The following STAC variants were observed in gnomAD, a reference collection of about 807,000 sequenced individuals.
The protein encoded by STAC is SH3 and cysteine-rich domain-containing protein.
In STAC, 43 loss-of-function variants were observed where a neutral mutation model predicts 48.8. That is an observed-to-expected ratio of 0.88 (90% CI 0.69 to 1.14). STAC has a LOEUF of 1.14. STAC is among the 50% of genes most tolerant of loss of function. The pLI is 0.00. For missense variants in STAC, 497 were observed against 504.0 expected (o/e 0.99, Z 0.13); for synonymous variants, 193 against 179.5 (o/e 1.07, Z -0.60).
chr3:36,417,493 G>T (rs114470560), intron 1 of STAC, among the ~76,000 whole-genome samples: 3 of 151,998 alleles, frequency 2.0e-5, no homozygotes, highest in Non-Finnish European at 2.9e-5. Flanking sequence ...TTTGCTTTAC[G>T]GTTTACAGCC....
intron 2 of STAC, among the ~76,000 whole-genome samples, chr3:36,465,367 T>C (rs1275951756): frequency 1.3e-5 from 2 of 152,244 alleles, no homozygotes; most frequent in Non-Finnish European, 2.9e-5. Flanking sequence ...TAGTCCTTTG[T>C]TGGAGGTATA....
At chr3:36,395,079 A>G (rs1208407058) in intron 1 of STAC, among the ~76,000 whole-genome samples, 1 of 151,898 alleles carries the variant, frequency 6.6e-6, no homozygotes, top group African/African-American at 2.4e-5. Flanking sequence ...CCCTGTGCAA[A>G]TGTAAGTTGG....
At chr3:36,465,940 G>A (rs1268190349) in intron 2 of STAC, among the ~76,000 whole-genome samples, 2 of 152,056 alleles carry the variant, frequency 1.3e-5, no homozygotes, top group South Asian at 2.1e-4. Flanking sequence ...CACCCACCCA[G>A]ACACACCCAG....
intron 2 of STAC, among the ~76,000 whole-genome samples, chr3:36,458,149 G>A (rs1696903218): frequency 6.6e-6 from 1 of 152,022 alleles, no homozygotes; most frequent in Non-Finnish European, 1.5e-5. Context: ...CATTTCAAAA[G>A]TCACTGCTGA....
At chr3:36,382,839 G>C in intron 1 of STAC, among the ~76,000 whole-genome samples, 1 of 152,188 alleles carries the variant, frequency 6.6e-6, no homozygotes, top group South Asian at 2.1e-4. Flanking sequence ...CTTTGACCCT[G>C]AGCATGAGAG....
intron 1 of STAC, among the ~76,000 whole-genome samples, chr3:36,384,045 G>A (rs1699567044): frequency 1.3e-5 from 2 of 152,178 alleles, no homozygotes; most frequent in Admixed American, 1.3e-4. Context: ...AGCCACTGAT[G>A]TATCATACCC....
Position 36,453,679 on chromosome 3 carries a change from G to T in STAC, c.388+10039G>T, listed in dbSNP as rs1232076989. Among the ~76,000 whole-genome samples the T allele has an allele frequency of 5.2e-5, 2 of 38,488 alleles. 1 individual carries two copies. The highest frequency in any genetic ancestry group is 1.3e-4 in the Non-Finnish European group (2 of 14,874). 25.2% of individuals were successfully genotyped at this position (38,488 alleles called of 152,430 possible). The stretch of plus-strand genomic sequence containing the variant: ...ATCCCATCGACCACCCAAGGGCTGA[G>T]GAGTGCTGGCGCAGGGCGCGGGACT... On this transcript the variant is annotated intron_variant, in intron 2 of 10. Transcript: ENST00000273183.
At chr3:36,392,854 C>T (rs1699782791) in intron 1 of STAC, among the ~76,000 whole-genome samples, 1 of 152,202 alleles carries the variant, frequency 6.6e-6, no homozygotes, top group Non-Finnish European at 1.5e-5. Context: ...AGGGAGGTCT[C>T]ATCTGCTAGA....
chr3:36,424,876 C>T (rs73061980), intron 1 of STAC, among the ~76,000 whole-genome samples: 3,531 of 151,696 alleles, frequency 0.023, 59 homozygotes, highest in East Asian at 0.026. Context: ...AAATGAATAA[C>T]TTAATGAATA....
chr3:36,386,307 TG>T (rs1179241710), intron 1 of STAC, among the ~76,000 whole-genome samples: 2 of 151,952 alleles, frequency 1.3e-5, no homozygotes, highest in African/African-American at 4.8e-5. Context: ...ATTTTTCTAT[TG>T]GGTTATTTGC....
At chr3:36,472,040 C>T (rs773322209) in intron 2 of STAC, among the ~76,000 whole-genome samples, 2 of 152,228 alleles carry the variant, frequency 1.3e-5, no homozygotes, top group Non-Finnish European at 2.9e-5. Context: ...ATAAGGGCCC[C>T]GCCCCTGCAG....
chr3:36,482,019 T>C (rs768393756), intron 2 of STAC, among the ~76,000 whole-genome samples: 3 of 152,196 alleles, frequency 2.0e-5, no homozygotes, highest in Non-Finnish European at 4.4e-5. Flanking sequence ...CTCACCTTTC[T>C]TCCTCTTTTC....
intron 5 of STAC, among the ~76,000 whole-genome samples, chr3:36,490,769 C>G (rs951063546): frequency 6.6e-6 from 1 of 152,182 alleles, no homozygotes; most frequent in Admixed American, 6.5e-5. Flanking sequence ...GCAAGACCAC[C>G]AGAGGGACAA....
At chr3:36,390,447 T>TTTTC (rs1157197472) in intron 1 of STAC, among the ~76,000 whole-genome samples, 7 of 134,240 alleles carry the variant, frequency 5.2e-5, no homozygotes, top group African/African-American at 1.8e-4. Flanking sequence ...GTGATTTTTC[T>TTTTC]TTTCTTTTTT....
chr3:36,400,237 G>T (rs1408269506), intron 1 of STAC, among the ~76,000 whole-genome samples: 2 of 152,184 alleles, frequency 1.3e-5, no homozygotes, highest in Non-Finnish European at 2.9e-5. Context: ...AGAGATAAAT[G>T]GATAGATACA....
chr3:36,515,147 T>C (rs1698640299), intron 8 of STAC, among the ~76,000 whole-genome samples: 1 of 152,068 alleles, frequency 6.6e-6, no homozygotes, highest in South Asian at 2.1e-4. Flanking sequence ...CAGATGGGCC[T>C]GAGCCTAGGA....
intron 6 of STAC, among the ~76,000 whole-genome samples, chr3:36,497,553 G>T (rs1698180181): frequency 6.6e-6 from 1 of 152,160 alleles, no homozygotes; most frequent in Admixed American, 6.5e-5. Flanking sequence ...AAAATGGGGA[G>T]TGGCCAGGGT....
At chr3:36,530,584 T>C (rs1340120745) in intron 10 of STAC, among the ~76,000 whole-genome samples, 1 of 142,490 alleles carries the variant, frequency 7.0e-6, no homozygotes, top group Non-Finnish European at 1.5e-5. Context: ...CCTTTTCTTT[T>C]TTTTTTTTCT....
Position 36,403,001 on chromosome 3 carries a change from G to T in STAC, c.111+22247G>T, listed in dbSNP as rs943193213. On this transcript the variant is annotated intron_variant, in intron 1 of 10. Transcript: ENST00000273183. ...GTGCACAAACCAAACAGCTAACCCA[G>T]AGAAATAAGACGTAACACAAGGATT... 1.2e-4 allele frequency among the ~76,000 whole-genome samples: 19 copies of T among 152,178 alleles called. 1 individual carries two copies. Among genetic ancestry groups the T allele is most frequent in the African/African-American group, 4.6e-4 (19 of 41,434 alleles).
Sources: gnomAD v4.1 joint callset for allele counts (sites outside exome capture counted in the v4.1 genomes callset) on GRCh38, gnomAD v4.1.1 for gene constraint, MANE v1.5 for transcripts, NCBI Gene and HGNC (gene_info 2026-07-23, HGNC 2026-07-21) for gene names.